The following RBFOX1 variants were observed in gnomAD, a reference collection of about 807,000 sequenced individuals.
RBFOX1 encodes the protein RNA binding fox-1 homolog 1.
RBFOX1 carries 8 observed loss-of-function variants against 57.7 expected under a neutral mutation model. That is an observed-to-expected ratio of 0.14 (90% CI 0.08 to 0.25). RBFOX1 has a LOEUF of 0.25. Ranked by LOEUF, RBFOX1 falls within the 10% of genes least tolerant of loss-of-function variation. The pLI is 1.00. For missense variants in RBFOX1, 611 were observed against 548.5 expected (o/e 1.11, Z -1.14); for synonymous variants, 326 against 222.4 (o/e 1.47, Z -4.15).
At chr16:7,049,442 C>G (rs2049175964) in intron 3 of RBFOX1, among the ~76,000 whole-genome samples, 1 of 151,106 alleles carries the variant, frequency 6.6e-6, no homozygotes, top group African/African-American at 2.4e-5. Context: ...GACACACAAA[C>G]TTTTAAAAAG....
At chr16:6,988,171 G>A (rs1378835355) in intron 3 of RBFOX1, among the ~76,000 whole-genome samples, 17 of 152,156 alleles carry the variant, frequency 1.1e-4, no homozygotes, top group Admixed American at 2.0e-4. Context: ...ACACAGCAGA[G>A]TTTTAGAAGT....
chr16:7,242,846 T>A (rs1271960149), intron 4 of RBFOX1, among the ~76,000 whole-genome samples: 1 of 152,204 alleles, frequency 6.6e-6, no homozygotes, highest in Admixed American at 6.5e-5. Context: ...AGGTTTGGAC[T>A]GTGCTGGTGA....
intron 3 of RBFOX1, among the ~76,000 whole-genome samples, chr16:6,699,639 C>T (rs887913834): frequency 5.3e-5 from 8 of 152,124 alleles, no homozygotes; most frequent in African/African-American, 1.9e-4. Flanking sequence ...GGCATGAATA[C>T]TCATCTGTCA....
chr16:7,168,569 A>G (rs1174854820), intron 4 of RBFOX1, among the ~76,000 whole-genome samples: 1 of 152,152 alleles, frequency 6.6e-6, no homozygotes, highest in Non-Finnish European at 1.5e-5. Flanking sequence ...CACAGAAGAA[A>G]GAAGTTAGAA....
intron 4 of RBFOX1, among the ~76,000 whole-genome samples, chr16:7,443,472 G>T (rs962920138): frequency 6.8e-6 from 1 of 146,884 alleles, no homozygotes; most frequent in Non-Finnish European, 1.5e-5. Flanking sequence ...TAAGATTTCA[G>T]TTCAGCGTTT....
chr16:5,866,155 G>A (rs1264270830), intron 3 of RBFOX1, among the ~76,000 whole-genome samples: 3 of 152,212 alleles, frequency 2.0e-5, no homozygotes, highest in South Asian at 2.1e-4. Context: ...TTTTAGTAGG[G>A]ATGGGGTTTC....
At chr16:6,723,697 A>G (rs1389532070) in intron 3 of RBFOX1, 1 of 152,130 alleles carries the variant, frequency 6.6e-6, no homozygotes, top group East Asian at 1.9e-4. Flanking sequence ...GAAAACAAGG[A>G]ATGAGTTACA....
At chr16:7,596,918 C>G (rs1297952018) in intron 8 of RBFOX1, among the ~76,000 whole-genome samples, 1 of 152,192 alleles carries the variant, frequency 6.6e-6, no homozygotes, top group Non-Finnish European at 1.5e-5. Context: ...TAAAGTGTTG[C>G]ACACGGCTAA....
chr16:5,460,782 G>A (rs1486573814), intron 1 of RBFOX1, among the ~76,000 whole-genome samples: 10 of 152,234 alleles, frequency 6.6e-5, no homozygotes, highest in African/African-American at 2.2e-4. Context: ...GAGTGATGAA[G>A]ATTCACATTC....
intron 4 of RBFOX1, among the ~76,000 whole-genome samples, chr16:7,165,404 A>AATAATAATAATAATAATAATG (rs1218943516): frequency 1.4e-5 from 2 of 147,324 alleles, no homozygotes; most frequent in Non-Finnish European, 3.0e-5. Flanking sequence ...TAATAATAAT[A>AATAATAATAATAATAATAATG]ATAATGATAA....
chr16:5,431,244 G>T (rs1213629007), intron 1 of RBFOX1, among the ~76,000 whole-genome samples: 1 of 152,208 alleles, frequency 6.6e-6, no homozygotes. Flanking sequence ...GTAAAGTTCT[G>T]AATGGCACAA....
intron 2 of RBFOX1, among the ~76,000 whole-genome samples, chr16:5,478,871 T>C (rs2069423218): frequency 1.3e-5 from 2 of 152,174 alleles, no homozygotes; most frequent in African/African-American, 4.8e-5. Flanking sequence ...AGATCTCTGC[T>C]GCTGTCAGGC....
At chr16:6,902,329 A>G (rs2068693325) in intron 3 of RBFOX1, among the ~76,000 whole-genome samples, 1 of 152,170 alleles carries the variant, frequency 6.6e-6, no homozygotes, top group African/African-American at 2.4e-5. Context: ...TATGGGTTTC[A>G]TGGCAAAACT....
intron 8 of RBFOX1, 37 bp downstream of exon 8, chr16:7,595,678 A>G (rs762709818): frequency 1.3e-6 from 2 of 1,528,750 alleles, no homozygotes; most frequent in Admixed American, 1.8e-5. Context: ...CATCTTTTTT[A>G]TAAATGTCTG....
intron 1 of RBFOX1, among the ~76,000 whole-genome samples, chr16:6,159,974 C>T (rs923464210): frequency 3.3e-5 from 5 of 152,110 alleles, no homozygotes; most frequent in African/African-American, 1.2e-4. Context: ...CTAAGGGAAC[C>T]TGAGACTTAC....
At chr16:6,410,168 C>CTGTGTG (rs3066618) in intron 2 of RBFOX1, among the ~76,000 whole-genome samples, 9,244 of 146,948 alleles carry the variant, frequency 0.063, 426 homozygotes, top group African/African-American at 0.13. Context: ...CATCATAAGG[C>CTGTGTG]TGTGTGTGTG....
chr16:5,849,017 G>A (rs1290334595), intron 3 of RBFOX1, among the ~76,000 whole-genome samples: 1 of 151,890 alleles, frequency 6.6e-6, no homozygotes, highest in Non-Finnish European at 1.5e-5. Flanking sequence ...GGGCAGGACA[G>A]GAGCTCCAGA....
rs370909922 is a variant in RBFOX1 at position 5,414,563 on chromosome 16, CT to C, written c.220-52651del. On this transcript the variant is annotated intron_variant, in intron 1 of 2. Coordinates refer to the RBFOX1 transcript ENST00000585867. ...GTAGGCCTTATGGCTTTCATCATTG[CT>C]TCATAGGCATCGTGGGTTGGTGTCC... is the stretch of plus-strand genomic sequence containing the variant. Among the ~76,000 whole-genome samples, 911 of 152,262 alleles carry C rather than the reference CT, an allele frequency of 6.0e-3. 3 individuals are homozygous for C. Among genetic ancestry groups the C allele is most frequent in the Non-Finnish European group, 8.9e-3 (603 of 68,018 alleles).
At chr16:7,009,464 A>G (rs567712721) in intron 3 of RBFOX1, among the ~76,000 whole-genome samples, 1 of 152,092 alleles carries the variant, frequency 6.6e-6, no homozygotes, top group South Asian at 2.1e-4. Flanking sequence ...GGCCATAGGA[A>G]TATATTGACT....
Sources: gnomAD v4.1 joint callset for allele counts (sites outside exome capture counted in the v4.1 genomes callset) on GRCh38, gnomAD v4.1.1 for gene constraint, MANE v1.5 for transcripts, NCBI Gene and HGNC (gene_info 2026-07-23, HGNC 2026-07-21) for gene names.